WDFY3: variants seen among roughly 807,000 people sequenced by gnomAD.
WDFY3 encodes WD repeat and FYVE domain containing 3.
A neutral mutation model predicts 409.6 loss-of-function variants in WDFY3; 66 were observed. That is an observed-to-expected ratio of 0.16 (90% CI 0.13 to 0.20). The LOEUF (loss-of-function observed/expected upper bound fraction) is 0.20. Ranked by LOEUF, WDFY3 falls within the 10% of genes least tolerant of loss-of-function variation. WDFY3 has a pLI of 1.00. For synonymous variants in WDFY3, 1,521 were observed against 1,537.1 expected (o/e 0.99, Z 0.25); for missense variants, 3,031 against 4,298.1 (o/e 0.71, Z 8.24).
intron 2 of WDFY3, among the ~76,000 whole-genome samples, chr4:84,929,819 G>A (rs368584387): frequency 3.3e-5 from 5 of 152,014 alleles, no homozygotes; most frequent in Middle Eastern, 3.2e-3. Flanking sequence ...GCTGAGGCAC[G>A]AGAATCGCTT....
chr4:84,798,532 C>T (rs1301146722), intron 17 of WDFY3, among the ~76,000 whole-genome samples: 1 of 151,876 alleles, frequency 6.6e-6, no homozygotes, highest in Non-Finnish European at 1.5e-5. Flanking sequence ...TAAGAAGAAC[C>T]CCAACTCAAA....
In WDFY3 at chr4:84,690,934, G is replaced by A. The variant is rs1729160305; in HGVS notation, c.9205-270C>T. ...TCTGGTTTCTCCAGATTGGGAAAGT[G>A]ATGCTCAAATTGTGTGATCTATGGA... On this transcript the variant is annotated intron_variant, in intron 60 of 67. Coordinates refer to ENST00000295888, the MANE Select transcript of WDFY3 (RefSeq NM_014991.6). Among the ~76,000 whole-genome samples the A allele has an allele frequency of 2.0e-5, 3 of 152,328 alleles. No individual in the cohort carries two copies. In the South Asian group the frequency reaches 6.2e-4, roughly 32 times the overall value.
chr4:84,906,369 G>A (rs1268968501), intron 2 of WDFY3, among the ~76,000 whole-genome samples: 1 of 152,112 alleles, frequency 6.6e-6, no homozygotes, highest in Admixed American at 6.6e-5. Flanking sequence ...CCTAAGACAT[G>A]ACTTTCTTAT....
chr4:84,826,829 T>G lies in WDFY3; in HGVS notation c.1109A>C (p.Gln370Pro), dbSNP rs1290697155. Residue 370 changes from glutamine to proline, a missense_variant, in exon 10 of 68, where the codon CAG becomes CCG. Gln to Pro is a moderately conservative substitution (Grantham distance 76). Coordinates refer to ENST00000295888, the MANE Select transcript of WDFY3 (RefSeq NM_014991.6). ...PFLLPGFAVP[Q>P]PAGKGHSVRN... ...ACAAGACTCACCTTTGCCTGCAGGC[T>G]GAGGTACTGCAAATCCAGGCAATAA... 1 of 1,607,110 alleles carries G rather than the reference T, an allele frequency of 6.2e-7. No homozygotes were observed.
rs368783051 is a variant in WDFY3 at position 84,702,589 on chromosome 4, C to A, written c.8443-83G>T. The A allele has an allele frequency of 6.9e-5, 86 of 1,242,040 alleles. No homozygotes were observed. The African/African-American group carries it at 9.8e-4, about 14-fold the overall frequency. 76.9% of individuals were successfully genotyped at this position (1,242,040 alleles called of 1,614,324 possible). A position where few individuals can be genotyped will look rare whatever the true frequency, so the allele number is the denominator to read the frequency against. ...GTCAAGTTCAAGAGCTTGAAAACTC[C>A]AACTATAGTTGGTGACATTTCAATT... On this transcript the variant is annotated intron_variant, in intron 55 of 67. Coordinates refer to ENST00000295888, the MANE Select transcript of WDFY3 (RefSeq NM_014991.6).
chr4:84,912,939 C>T (rs182728413), intron 2 of WDFY3, among the ~76,000 whole-genome samples: 2 of 152,198 alleles, frequency 1.3e-5, no homozygotes, highest in Admixed American at 6.5e-5. Context: ...ACACCAAATG[C>T]CAGTATTTTG....
chr4:84,732,548 C>G (rs951545513), intron 44 of WDFY3, among the ~76,000 whole-genome samples: 1 of 152,054 alleles, frequency 6.6e-6, no homozygotes. Context: ...CACTTCTTGG[C>G]CTCTGGAAAC....
In WDFY3 at chr4:84,778,022, AAAG is replaced by A. The variant is rs559581587; in HGVS notation, c.4518+478_4518+480del. On this transcript the variant is annotated intron_variant, in intron 27 of 67. Transcript: ENST00000295888. The stretch of plus-strand genomic sequence containing the variant: ...GTAGGACAGCCTGAGCAAAGGGGAA[AAAG>A]AAGTGATAGTTATTCTAGTATGAAT... 3.9e-5 allele frequency among the ~76,000 whole-genome samples: 6 copies of A among 152,290 alleles called. No homozygotes were observed. In the East Asian group the frequency reaches 9.6e-4, roughly 24 times the overall value.
chr4:84,837,157 C>A, intron 6 of WDFY3, 67 bp from the exon 7 acceptor site: 1 of 1,316,644 alleles, frequency 7.6e-7, no homozygotes, highest in Non-Finnish European at 9.9e-7. Flanking sequence ...CCAAATAATT[C>A]ACAAATGTTA....
At chr4:84,747,323 A>G (rs2149268936) in intron 36 of WDFY3, among the ~76,000 whole-genome samples, 1 of 152,328 alleles carries the variant, frequency 6.6e-6, no homozygotes, top group Middle Eastern at 3.4e-3. Context: ...AATGGGCTGG[A>G]AGCCTTTAAA....
At chr4:84,764,192 T>C (rs989840136) in intron 32 of WDFY3, among the ~76,000 whole-genome samples, 1 of 152,222 alleles carries the variant, frequency 6.6e-6, no homozygotes, top group African/African-American at 2.4e-5. Context: ...GCCTTCAAAA[T>C]AAGCATTGCT....
chr4:84,702,255 T>C, intron 56 of WDFY3, 98 bp downstream of exon 56: 1 of 1,290,420 alleles, frequency 7.7e-7, no homozygotes, highest in Non-Finnish European at 1.0e-6. Flanking sequence ...ATTTTTTTCT[T>C]GTTAATGTGT....
At chr4:84,786,230 G>A in intron 23 of WDFY3, 91 bp from the exon 24 acceptor site, 2 of 1,275,976 alleles carry the variant, frequency 1.6e-6, no homozygotes, top group Non-Finnish European at 1.1e-6. Context: ...TAAATGAGGA[G>A]GCTTGAAAGT....
At chr4:84,860,041 C>T (rs947412878) in intron 4 of WDFY3, among the ~76,000 whole-genome samples, 3 of 152,156 alleles carry the variant, frequency 2.0e-5, no homozygotes, top group African/African-American at 7.2e-5. Flanking sequence ...ATACAAAGGG[C>T]TTGGGCAGTT....
intron 51 of WDFY3, among the ~76,000 whole-genome samples, chr4:84,711,312 A>G (rs1259424037): frequency 2.4e-4 from 36 of 152,234 alleles, no homozygotes; most frequent in Non-Finnish European, 7.3e-5. Context: ...AAATGTCAAA[A>G]AGCAAAATTT....
Position 84,798,168 on chromosome 4 carries a change from C to A in WDFY3, c.2823-60G>T, listed in dbSNP as rs955300303. ...TGAGATTATTATATAATTCATTAAC[C>A]AAATATTCAGAAAAAGAATTTAATA... On this transcript the variant is annotated intron_variant, in intron 17 of 67. Transcript: ENST00000295888. The A allele has an allele frequency of 5.9e-6, 8 of 1,355,008 alleles. No individual in the cohort carries two copies. In the African/African-American group the frequency reaches 1.0e-4, roughly 18 times the overall value. 83.9% of individuals were successfully genotyped at this position (1,355,008 alleles called of 1,614,324 possible).
At chr4:84,775,410 G>A (rs1745382515) in intron 27 of WDFY3, among the ~76,000 whole-genome samples, 1 of 151,758 alleles carries the variant, frequency 6.6e-6, no homozygotes, top group Non-Finnish European at 1.5e-5. Flanking sequence ...ATGACGAGGA[G>A]CCAAATGAAA....
At chr4:84,848,214 T>C (rs116033508) in intron 5 of WDFY3, among the ~76,000 whole-genome samples, 4,101 of 151,652 alleles carry the variant, frequency 0.027, 58 homozygotes, top group South Asian at 0.049. Context: ...ATTATGAAAT[T>C]TTAGAAAAGC....
At chr4:84,851,604 T>A (rs952028333) in intron 4 of WDFY3, among the ~76,000 whole-genome samples, 1 of 152,176 alleles carries the variant, frequency 6.6e-6, no homozygotes, top group Non-Finnish European at 1.5e-5. Flanking sequence ...AATAAAAATC[T>A]AAGACTGGAA....
Sources: gnomAD v4.1 joint callset for allele counts (sites outside exome capture counted in the v4.1 genomes callset) on GRCh38, gnomAD v4.1.1 for gene constraint, MANE v1.5 for transcripts, NCBI Gene and HGNC (gene_info 2026-07-23, HGNC 2026-07-21) for gene names.